Variants in EFR3A observed in about 807,000 individuals in gnomAD.
The protein encoded by EFR3A is protein EFR3 homolog A.
A neutral mutation model predicts 104.4 loss-of-function variants in EFR3A; 76 were observed. That is an observed-to-expected ratio of 0.73 (90% CI 0.60 to 0.88). EFR3A has a LOEUF of 0.88. EFR3A is among the 40% of genes least tolerant of loss of function. The pLI is 0.00. For synonymous variants in EFR3A, 330 were observed against 330.0 expected, an observed-to-expected ratio of 1.00 and a Z score of 0.00; for missense variants, 985 against 1,012.5, an observed-to-expected ratio of 0.97 and a Z score of 0.37.
At position 131,911,935 on chromosome 8, in the gene EFR3A, C is replaced by T. The variant is rs140418713; in HGVS notation, c.10+7613C>T. Among the ~76,000 whole-genome samples, 598 of 152,208 alleles carry T rather than the reference C, an allele frequency of 3.9e-3. 8 individuals are homozygous for T. The highest frequency in any genetic ancestry group is 4.6e-3 in the South Asian group (22 of 4,820). The stretch of plus-strand genomic sequence containing the variant: ...GTAATTTCTTTATGATCAGTTTTTA[C>T]GCAGAAAGGCCGAGGGAAAGTTAGA... On this transcript the variant is annotated intron_variant, in intron 1 of 22. Transcript: ENST00000254624.
chr8:131,950,254 T>C (rs1818632830), intron 5 of EFR3A, among the ~76,000 whole-genome samples, 164 bp downstream of exon 5: 1 of 152,150 alleles, frequency 6.6e-6, no homozygotes, highest in Non-Finnish European at 1.5e-5. Context: ...AAAATGAGAA[T>C]GGTTTTCCAG....
At chr8:132,004,989 C>A (rs1821961785) in intron 22 of EFR3A, among the ~76,000 whole-genome samples, 1 of 152,182 alleles carries the variant, frequency 6.6e-6, no homozygotes, top group Non-Finnish European at 1.5e-5. Context: ...ACCACAACTA[C>A]TACTAATACT....
intron 8 of EFR3A, among the ~76,000 whole-genome samples, chr8:131,965,281 C>T (rs750742447): frequency 1.3e-5 from 2 of 152,102 alleles, no homozygotes; most frequent in African/African-American, 4.8e-5. Context: ...CAACAGGCAA[C>T]CTACAGAATG....
At chr8:131,910,942 G>A (rs926820827) in intron 1 of EFR3A, among the ~76,000 whole-genome samples, 13 of 152,228 alleles carry the variant, frequency 8.5e-5, no homozygotes, top group South Asian at 8.3e-4. Flanking sequence ...AATATGGCCC[G>A]CAACTGCTTC....
At chr8:131,976,430 C>A (rs541777485) in intron 11 of EFR3A, among the ~76,000 whole-genome samples, 2 of 152,096 alleles carry the variant, frequency 1.3e-5, no homozygotes, top group African/African-American at 4.8e-5. Context: ...CTTCAAGTTT[C>A]CTGTATAAAT....
At chr8:131,936,120 CTA>C in intron 1 of EFR3A, among the ~76,000 whole-genome samples, 1 of 152,122 alleles carries the variant, frequency 6.6e-6, no homozygotes, top group East Asian at 1.9e-4. Flanking sequence ...GAAATTAGCT[CTA>C]ATACCTCATT....
intron 18 of EFR3A, among the ~76,000 whole-genome samples, chr8:131,993,415 T>C (rs1821306668): frequency 6.6e-6 from 1 of 152,050 alleles, no homozygotes. Context: ...TGCAATCCTG[T>C]CACATCCCCA....
intron 1 of EFR3A, among the ~76,000 whole-genome samples, chr8:131,907,126 C>G (rs1285500535): frequency 6.6e-6 from 1 of 152,124 alleles, no homozygotes; most frequent in Non-Finnish European, 1.5e-5. Flanking sequence ...AATAGTTTAG[C>G]CTTTTTTTCC....
intron 19 of EFR3A, among the ~76,000 whole-genome samples, chr8:131,997,006 G>A (rs1440266173): frequency 6.6e-6 from 1 of 152,058 alleles, no homozygotes; most frequent in Non-Finnish European, 1.5e-5. Flanking sequence ...TGTTTAAGCT[G>A]TGTCAGTGAA....
chr8:131,924,884 G>C (rs1817226433), intron 1 of EFR3A, among the ~76,000 whole-genome samples: 1 of 151,946 alleles, frequency 6.6e-6, no homozygotes, highest in Non-Finnish European at 1.5e-5. Flanking sequence ...ATTGTTTATA[G>C]GTGGGTCCTT....
intron 9 of EFR3A, among the ~76,000 whole-genome samples, chr8:131,970,146 T>A (rs1343383923): frequency 1.3e-5 from 2 of 152,220 alleles, no homozygotes. Context: ...AATATTGTCC[T>A]AGTACACATT....
chr8:131,962,252 G>A (rs1433820730), intron 8 of EFR3A, among the ~76,000 whole-genome samples: 1 of 152,142 alleles, frequency 6.6e-6, no homozygotes, highest in Non-Finnish European at 1.5e-5. Context: ...GCAATTAAAA[G>A]TCACAGACTG....
chr8:131,989,942 G>A (rs1263576694), intron 18 of EFR3A, among the ~76,000 whole-genome samples: 1 of 152,204 alleles, frequency 6.6e-6, no homozygotes, highest in East Asian at 1.9e-4. Flanking sequence ...GAATTCGAAT[G>A]AATAGTGTAT....
intron 18 of EFR3A, among the ~76,000 whole-genome samples, chr8:131,990,063 T>C (rs1821090495): frequency 6.6e-6 from 1 of 152,126 alleles, no homozygotes; most frequent in Non-Finnish European, 1.5e-5. Context: ...TATTTAAGTA[T>C]TAAGCGAGCA....
rs887102273 is a variant in EFR3A at position 131,904,098 on chromosome 8, T to C, written c.-215T>C. 2.2e-5 allele frequency: 10 copies of C among 455,102 alleles called. No homozygotes were observed. The East Asian group carries it at 2.3e-4, about 11-fold the overall frequency. The allele number at this position is 455,102 out of a possible 1,614,324, so 28.2% of individuals were successfully genotyped here. A position where few individuals can be genotyped will look rare whatever the true frequency, so the allele number is the denominator to read the frequency against. Reference sequence around the variant, plus strand: ...TGACGTAACGGGCGTGGGTCGTCCGTCGCGCCGCCCGGCGAGGAGTGGGCT... The same window carrying C: ...TGACGTAACGGGCGTGGGTCGTCCGCCGCGCCGCCCGGCGAGGAGTGGGCT... On this transcript the variant is annotated 5_prime_UTR_variant, in exon 1 of 23. Transcript: ENST00000254624.
intron 10 of EFR3A, among the ~76,000 whole-genome samples, chr8:131,972,299 G>A (rs1329443573): frequency 1.3e-5 from 2 of 149,742 alleles, no homozygotes; most frequent in African/African-American, 4.9e-5. Context: ...TGAGTAAGCG[G>A]TTCCAGACGA....
intron 18 of EFR3A, among the ~76,000 whole-genome samples, chr8:131,989,998 T>C (rs898626966): frequency 6.6e-6 from 1 of 152,246 alleles, no homozygotes; most frequent in Admixed American, 6.5e-5. Flanking sequence ...AAAACAGTAG[T>C]GTCCCCCATC....
At chr8:131,953,369 T>C (rs181764938) in intron 5 of EFR3A, among the ~76,000 whole-genome samples, 15 of 152,208 alleles carry the variant, frequency 9.9e-5, no homozygotes, top group South Asian at 4.2e-4. Flanking sequence ...GTCTTCTATC[T>C]AGGTAGTCAA....
intron 1 of EFR3A, among the ~76,000 whole-genome samples, chr8:131,916,146 A>C (rs1323330161): frequency 6.6e-6 from 1 of 152,206 alleles, no homozygotes; most frequent in Non-Finnish European, 1.5e-5. Flanking sequence ...AGAGTGAATC[A>C]AAGAAATGTA....
Sources: gnomAD v4.1 joint callset for allele counts (sites outside exome capture counted in the v4.1 genomes callset) on GRCh38, gnomAD v4.1.1 for gene constraint, MANE v1.5 for transcripts, NCBI Gene and HGNC (gene_info 2026-07-23, HGNC 2026-07-21) for gene names.